The following STIM2 variants were observed in gnomAD, a reference collection of about 807,000 sequenced individuals.
STIM2 encodes the protein stromal interaction molecule 2.
In STIM2, 31 loss-of-function variants were observed where a neutral mutation model predicts 85.8. The observed-to-expected ratio is 0.36, with a 90% CI of 0.27 to 0.49. STIM2 has a LOEUF of 0.49. Among genes scored for constraint, STIM2 ranks in the 20% least tolerant of loss-of-function variants. The pLI is 0.98. For synonymous variants in STIM2, 356 were observed against 331.1 expected, an observed-to-expected ratio of 1.08 and a Z score of -0.82; for missense variants, 841 against 927.6, an observed-to-expected ratio of 0.91 and a Z score of 1.21.
At chr4:26,956,311 G>C (rs1726236113) in intron 2 of STIM2, among the ~76,000 whole-genome samples, 1 of 152,090 alleles carries the variant, frequency 6.6e-6, no homozygotes, top group Non-Finnish European at 1.5e-5. Flanking sequence ...AGGCCTAAAA[G>C]ATTCTCAGAG....
intron 1 of STIM2, among the ~76,000 whole-genome samples, chr4:26,912,005 T>G (rs1022227792): frequency 1.3e-5 from 2 of 152,188 alleles, no homozygotes; most frequent in Non-Finnish European, 2.9e-5. Flanking sequence ...CCTTTTGAGT[T>G]TGAATCAGGT....
At chr4:26,940,768 C>G (rs1725580232) in intron 2 of STIM2, among the ~76,000 whole-genome samples, 1 of 152,054 alleles carries the variant, frequency 6.6e-6, no homozygotes, top group Non-Finnish European at 1.5e-5. Context: ...TATTCTCTCC[C>G]CTACTCAAAA....
chr4:27,006,839 A>G (rs1728378343), intron 7 of STIM2, among the ~76,000 whole-genome samples: 1 of 152,214 alleles, frequency 6.6e-6, no homozygotes, highest in East Asian at 1.9e-4. Flanking sequence ...CAAAATCTGT[A>G]CATGCTCTGC....
In STIM2 at chr4:26,963,065, GAAGA is replaced by G. The variant is rs540325625; in HGVS notation, c.397+5344_397+5347del. On this transcript the variant is annotated intron_variant, in intron 3 of 11. Transcript: ENST00000467087. The stretch of plus-strand genomic sequence containing the variant: ...TTAAAGCAACTGAAATAGTCTGAGA[GAAGA>G]AAGATACAGGCACTTAATAATGGTT... Among the ~76,000 whole-genome samples, 12 of 152,240 alleles carry G rather than the reference GAAGA, an allele frequency of 7.9e-5. No homozygotes were observed. The South Asian group carries it at 2.5e-3, about 32-fold the overall frequency.
chr4:26,898,027 A>C (rs770886196), intron 1 of STIM2, among the ~76,000 whole-genome samples: 4 of 152,234 alleles, frequency 2.6e-5, no homozygotes, highest in Non-Finnish European at 4.4e-5. Context: ...TTGGCTTCCC[A>C]AAGTGCTGGG....
intron 2 of STIM2, among the ~76,000 whole-genome samples, chr4:26,942,093 T>A (rs1725629400): frequency 6.6e-6 from 1 of 152,176 alleles, no homozygotes; most frequent in Non-Finnish European, 1.5e-5. Flanking sequence ...AACAACTAAC[T>A]GTAGATGTTA....
chr4:26,881,342 T>C (rs1044518683), intron 1 of STIM2, among the ~76,000 whole-genome samples: 4 of 152,018 alleles, frequency 2.6e-5, no homozygotes, highest in Non-Finnish European at 1.5e-5. Context: ...GGTGCATGTC[T>C]GTAGTCCCAG....
chr4:26,979,452 G>A (rs1727304924), intron 3 of STIM2, among the ~76,000 whole-genome samples: 1 of 152,164 alleles, frequency 6.6e-6, no homozygotes, highest in Non-Finnish European at 1.5e-5. Flanking sequence ...ACCAACTACT[G>A]TTACACTTTG....
chr4:26,900,394 C>T (rs1056692261), intron 1 of STIM2, among the ~76,000 whole-genome samples: 9 of 152,094 alleles, frequency 5.9e-5, no homozygotes, highest in Non-Finnish European at 1.3e-4. Context: ...AATTTTAAGA[C>T]TTTAGTTTCT....
At chr4:26,920,805 A>T (rs1724766948) in intron 2 of STIM2, among the ~76,000 whole-genome samples, 1 of 152,088 alleles carries the variant, frequency 6.6e-6, no homozygotes, top group Non-Finnish European at 1.5e-5. Flanking sequence ...TGTTGCTTTA[A>T]ATTTAGTATG....
chr4:27,001,601 A>G (rs1196572024), intron 5 of STIM2, among the ~76,000 whole-genome samples: 1 of 152,154 alleles, frequency 6.6e-6, no homozygotes, highest in Non-Finnish European at 1.5e-5. Flanking sequence ...TAGGGTGTTC[A>G]GCAATACTTC....
chr4:26,917,380 A>G (rs921297146), intron 1 of STIM2, among the ~76,000 whole-genome samples: 4 of 152,056 alleles, frequency 2.6e-5, no homozygotes, highest in Non-Finnish European at 4.4e-5. Context: ...TCACCATGGT[A>G]TTTCTGGTGC....
intron 1 of STIM2, among the ~76,000 whole-genome samples, chr4:26,898,168 C>G (rs1371532183): frequency 1.3e-5 from 2 of 152,146 alleles, no homozygotes; most frequent in Admixed American, 6.5e-5. Flanking sequence ...CTTTTTTCCT[C>G]AGGCAATTGA....
At chr4:26,918,204 A>ACATGTTAG (rs1724661171) in intron 1 of STIM2, among the ~76,000 whole-genome samples, 1 of 151,602 alleles carries the variant, frequency 6.6e-6, no homozygotes, top group Non-Finnish European at 1.5e-5. Context: ...TGTAATTGGA[A>ACATGTTAG]CATGTTAGGT....
chr4:27,007,143 A>G (rs956510589), intron 7 of STIM2, among the ~76,000 whole-genome samples: 2 of 152,168 alleles, frequency 1.3e-5, no homozygotes, highest in Admixed American at 6.5e-5. Context: ...TTATGGGAAA[A>G]ATATGATCAG....
rs562214482 is a variant in STIM2 at position 26,874,964 on chromosome 4, T to A, written c.151+13595T>A. ...CTACATGCAGTATGTGATCTTAGAA[T>A]AAAATTGGCAGCTTCTTCGTATTAT... On this transcript the variant is annotated intron_variant, in intron 1 of 11. Coordinates refer to ENST00000467087, the MANE Select transcript of STIM2 (RefSeq NM_020860.4). 2.6e-5 allele frequency among the ~76,000 whole-genome samples: 4 copies of A among 152,356 alleles called. No homozygotes were observed. The South Asian group carries it at 8.3e-4, about 32-fold the overall frequency.
intron 1 of STIM2, among the ~76,000 whole-genome samples, chr4:26,891,397 G>C (rs909226741): frequency 6.6e-6 from 1 of 152,044 alleles, no homozygotes; most frequent in Non-Finnish European, 1.5e-5. Context: ...ACAGAATTTG[G>C]ACTCAAGTAA....
intron 1 of STIM2, among the ~76,000 whole-genome samples, chr4:26,912,356 TTAAA>T (rs1449190819): frequency 2.6e-5 from 4 of 152,326 alleles, no homozygotes; most frequent in African/African-American, 7.2e-5. Context: ...ATTTGCTGAC[TTAAA>T]TAATATTATA....
intron 5 of STIM2, among the ~76,000 whole-genome samples, chr4:26,999,796 C>A (rs1728081010): frequency 6.6e-6 from 1 of 152,110 alleles, no homozygotes; most frequent in Admixed American, 6.5e-5. Flanking sequence ...CAAAGACTCA[C>A]TTGAAGCTTT....
Sources: allele counts gnomAD v4.1 joint callset (sites outside exome capture counted in the v4.1 genomes callset), GRCh38; gene constraint gnomAD v4.1.1; transcripts MANE v1.5; gene names NCBI Gene and HGNC (gene_info 2026-07-23, HGNC 2026-07-21).